INSRR: variants seen among roughly 807,000 people sequenced by gnomAD.
INSRR encodes the protein insulin receptor related receptor, also known as insulin receptor-related protein.
In INSRR, 114 loss-of-function variants were observed where a neutral mutation model predicts 130.0. The observed-to-expected ratio is 0.88, with a 90% confidence interval of 0.75 to 1.02. INSRR has a LOEUF of 1.02. Ranked by LOEUF, INSRR falls within the 50% of genes least tolerant of loss-of-function variation. The pLI, the probability that INSRR is intolerant of heterozygous loss-of-function variation, is 0.00. For missense variants in INSRR, 1,657 were observed against 1,735.2 expected (o/e 0.95, Z 0.80); for synonymous variants, 674 against 705.2 (o/e 0.96, Z 0.70).
Position 156,845,691 on chromosome 1 carries a change from G to A in INSRR, c.2102C>T (p.Pro701Leu), listed in dbSNP as rs1654972734. The A allele has an allele frequency of 1.2e-6, 2 of 1,611,920 alleles. No individual in the cohort carries two copies. Among genetic ancestry groups the A allele is most frequent in the Non-Finnish European group, 1.7e-6 (2 of 1,179,274 alleles). The change falls in exon 10 of 22, where the codon CCG becomes CTG. Residue 701 changes from proline to leucine, a missense_variant. Transcript: ENST00000368195. ...GAACGAGGCCTCTTGCGCCTCCAGC[G>A]GGGGCAGAACCTGACCAGGAGGTGG... ...QHPPPGQVLPPLEAQEASFQK... is the reference protein window; with the variant it reads ...QHPPPGQVLPLLEAQEASFQK...
rs1423986687 is a variant in INSRR, at chr1:156,853,860, CA to C, written c.528del (p.Cys176TrpfsTer72). ...HIVGNKLGEE[C>X]ADVCPGVLGA... ...CCCAGCACACCAGGGCACACGTCAG[CA>C]CACTCCTCGCCCAGCTTGTTGCCCA... On this transcript the variant is annotated frameshift_variant, in exon 2 of 22. Transcript: ENST00000368195. LOFTEE classifies it high-confidence loss of function. 3 of 1,614,064 alleles carry C rather than the reference CA, an allele frequency of 1.9e-6. No homozygotes were observed. In the South Asian group the frequency reaches 3.3e-5, roughly 18 times the overall value.
At chr1:156,852,543 G>A (rs923583455) in intron 2 of INSRR, among the ~76,000 whole-genome samples, 13 of 152,230 alleles carry the variant, frequency 8.5e-5, no homozygotes, top group African/African-American at 1.7e-4. Context: ...CAGGGTGAGC[G>A]GGCCAGCCTC....
rs763193926 is a variant in INSRR, at chr1:156,843,436, C to T, written c.2887G>A (p.Ala963Thr). 2.4e-5 allele frequency: 39 copies of T among 1,614,040 alleles called. No individual in the cohort carries two copies. Among genetic ancestry groups the T allele is most frequent in the East Asian group, 1.6e-4 (7 of 44,900 alleles). Residue 963 changes from alanine (A) to threonine (T), a missense_variant, in exon 16 of 22, where the codon GCC becomes ACC. Physicochemically the swap from Ala to Thr is moderately conservative, Grantham distance 58. Transcript: ENST00000368195. ...CCACTCCCAGACCTACTATCAGAGG[C>T]GCTGAAGTACTCTGGATTCACAGAA... ...YASVNPEYFS[A>T]SDMYVPDEWE...
intron 1 of INSRR, among the ~76,000 whole-genome samples, chr1:156,857,569 A>AG (rs1655454405): frequency 6.6e-6 from 1 of 152,128 alleles, no homozygotes; most frequent in Non-Finnish European, 1.5e-5. Context: ...GCAGAAGAGG[A>AG]GGGGGTTCGG....
chr1:156,841,881 CT>C lies in INSRR; in HGVS notation c.3398-88del, dbSNP rs1319843585. 5 of 1,607,020 alleles carry C rather than the reference CT, an allele frequency of 3.1e-6. No homozygotes were observed. The East Asian group carries it at 6.7e-5, about 22-fold the overall frequency. ...CCCCTGGGATACCTCTCCCAATCTT[CT>C]CATCCTCCAGAGTCACCAAGAACCC... On this transcript the variant is annotated intron_variant, in intron 19 of 21. Coordinates refer to ENST00000368195, the MANE Select transcript of INSRR (RefSeq NM_014215.3).
rs773925911 is a variant in INSRR at position 156,846,697 on chromosome 1, G to T, written c.1632C>A (p.Asn544Lys). The change falls in exon 8 of 22, where the codon AAC becomes AAA. Residue 544 changes from asparagine to lysine, a missense_variant. Coordinates refer to ENST00000368195, the MANE Select transcript of INSRR (RefSeq NM_014215.3). ...TTAGGGGCAGCTCCACATCCAGCAGGTTCCAGCTCTGGGTTCCACAAGCAT... is the reference window on the plus strand; with the variant it reads ...TTAGGGGCAGCTCCACATCCAGCAGTTTCCAGCTCTGGGTTCCACAAGCAT... ...GPDACGTQSW[N>K]LLDVELPLSR... 1 of 1,614,154 alleles carries T rather than the reference G, an allele frequency of 6.2e-7. No individual in the cohort carries two copies. The highest frequency in any genetic ancestry group is 1.7e-5 in the Admixed American group (1 of 60,024).
chr1:156,854,092 G>C lies in INSRR; in HGVS notation c.297C>G (p.Pro99=). 6.2e-7 allele frequency: 1 copy of C among 1,614,100 alleles called. No individual in the cohort carries two copies. Among genetic ancestry groups the C allele is most frequent in the Non-Finnish European group, 8.5e-7 (1 of 1,180,042 alleles). Residue 99 remains proline (P), a synonymous_variant, in exon 2 of 22, where the codon CCC becomes CCG. Coordinates refer to ENST00000368195, the MANE Select transcript of INSRR (RefSeq NM_014215.3). This position sits in a 1 kb window ranked among gnomAD's most constrained non-coding sequence, Gnocchi z 4.2. ...GCGTCCCGCGGATGACTGCTAGGTTGGGGAAGAGGTCGCGCAGGCTCTCCA... is the reference window on the plus strand; with the variant it reads ...GCGTCCCGCGGATGACTGCTAGGTTCGGGAAGAGGTCGCGCAGGCTCTCCA... ...YGLESLRDLF[P]NLAVIRGTRL... is the part of the protein sequence containing the mutation.
rs1654838953 is a variant in INSRR, at chr1:156,842,512, G to A, written c.3127-4C>T. The A allele has an allele frequency of 2.5e-6, 4 of 1,612,386 alleles. No homozygotes were observed. Among genetic ancestry groups the A allele is most frequent in the Non-Finnish European group, 3.4e-6 (4 of 1,178,628 alleles). On this transcript the variant is annotated splice_polypyrimidine_tract_variant and splice_region_variant and intron_variant, in intron 17 of 21. Transcript: ENST00000368195. ...ATACCACACCCAGGAGACGCACCTG[G>A]GACAGACAAAGGGCCTAGCAGACCC...
At position 156,853,831 on chromosome 1, in the gene INSRR, A is replaced by C. The variant is rs747534614; in HGVS notation, c.558T>G (p.Ala186=). The C allele has an allele frequency of 4.3e-6, 7 of 1,613,812 alleles. No homozygotes were observed. In the South Asian group the frequency reaches 7.7e-5, roughly 18 times the overall value. Residue 186 remains alanine (A), a synonymous_variant, in exon 2 of 22, where the codon GCT becomes GCG. Transcript: ENST00000368195. ...TGGTCTTGGCACAGGGCTCACCAGC[A>C]GCACCCAGCACACCAGGGCACACGT... ...CADVCPGVLG[A]AGEPCAKTTF...
At chr1:156,843,513 G>T (rs769954015) in intron 15 of INSRR, 34 bp from the exon 16 acceptor site, 1 of 1,607,328 alleles carries the variant, frequency 6.2e-7, no homozygotes, top group South Asian at 1.1e-5. Flanking sequence ...AGGCTGGAAG[G>T]GTTCTCAGGA....
In INSRR at chr1:156,844,164, C is replaced by T. The variant is rs1654899942; in HGVS notation, c.2843+11G>A. 6.2e-7 allele frequency: 1 copy of T among 1,603,298 alleles called. No homozygotes were observed. The highest frequency in any genetic ancestry group is 8.5e-7 in the Non-Finnish European group (1 of 1,171,132). The stretch of plus-strand genomic sequence containing the variant: ...GAAAAGGGGGTGGGGACCGGTGGGA[C>T]TTATCATCACCTCTTCTTGCCGTAG... On this transcript the variant is annotated intron_variant, in intron 15 of 21. Transcript: ENST00000368195.
At position 156,846,632 on chromosome 1, in the gene INSRR, T is replaced by C; in HGVS notation, c.1697A>G (p.Lys566Arg). 6.2e-7 allele frequency: 1 copy of C among 1,613,964 alleles called. No individual in the cohort carries two copies. Among genetic ancestry groups the C allele is most frequent in the Non-Finnish European group, 8.5e-7 (1 of 1,179,976 alleles). The change falls in exon 8 of 22, where the codon AAG becomes AGG. Residue 566 changes from lysine (K) to arginine (R), a missense_variant. Physicochemically the swap from Lys to Arg is conservative, Grantham distance 26 (BLOSUM62 2). Coordinates refer to ENST00000368195, the MANE Select transcript of INSRR (RefSeq NM_014215.3). The part of the protein sequence containing the change: ...QEPGVTLASL[K>R]PWTQYAVFVR... ...AAACACTGCGTACTGTGTCCAAGGC[T>C]TGAGGGAGGCTAGGGTCACCCCTGG...
chr1:156,841,914 G>A, intron 19 of INSRR, 120 bp from the exon 20 acceptor site: 2 of 1,575,302 alleles, frequency 1.3e-6, no homozygotes, highest in Non-Finnish European at 1.7e-6. Context: ...ACCCTGGAAA[G>A]TAGGGGCTCA....
chr1:156,845,583 C>A (rs766036955), intron 10 of INSRR, 36 bp downstream of exon 10: 5 of 1,530,604 alleles, frequency 3.3e-6, no homozygotes, highest in South Asian at 1.2e-5. Context: ...AGGCCCCACT[C>A]ATCAGACCCT....
At chr1:156,853,624 A>G in intron 2 of INSRR, 128 bp downstream of exon 2, 1 of 971,032 alleles carries the variant, frequency 1.0e-6, no homozygotes, top group Non-Finnish European at 1.5e-6. Flanking sequence ...TACCTGCCTC[A>G]TAGGATGAGT....
intron 19 of INSRR, 125 bp downstream of exon 19, chr1:156,841,987 G>A: frequency 6.4e-7 from 1 of 1,557,056 alleles, no homozygotes; most frequent in Admixed American, 1.8e-5. Flanking sequence ...TAAGATACAG[G>A]GTGGGGGTGA....
Position 156,854,235 on chromosome 1 carries a change from C to G in INSRR, c.154G>C (p.Glu52Gln). 1.2e-6 allele frequency: 2 copies of G among 1,613,898 alleles called. No homozygotes were observed. Among genetic ancestry groups the G allele is most frequent in the Non-Finnish European group, 1.7e-6 (2 of 1,180,010 alleles). The change falls in exon 2 of 22, where the codon GAG (glutamate) becomes CAG (glutamine). Residue 52 changes from glutamate (E) to glutamine (Q), a missense_variant. Glu to Gln is a conservative substitution (Grantham distance 29, BLOSUM62 2). Transcript: ENST00000368195. The surrounding 1 kb of genome is among the most constrained non-coding windows in gnomAD (Gnocchi z 4.2). ...ATGAGCAGGATCTGCAGGTGGCCCT[C>G]CACCACGCTGCAGTTCTCCAGCTGA... ...LRQLENCSVVEGHLQILLMFT... is the reference protein window; with the variant it reads ...LRQLENCSVVQGHLQILLMFT...
intron 17 of INSRR, 51 bp downstream of exon 17, chr1:156,842,953 A>G (rs377391336): frequency 1.4e-6 from 2 of 1,407,040 alleles, no homozygotes; most frequent in South Asian, 2.4e-5. Context: ...TTCTTACCAC[A>G]TGACCTTTAC....
chr1:156,856,232 T>C (rs561779208), intron 1 of INSRR, among the ~76,000 whole-genome samples: 15 of 152,310 alleles, frequency 9.8e-5, no homozygotes, highest in African/African-American at 3.6e-4. Context: ...GTATAATTCA[T>C]GTTGTACCCT....
Sources: gnomAD v4.1 joint callset for allele counts (sites outside exome capture counted in the v4.1 genomes callset) on GRCh38, gnomAD v4.1.1 for gene constraint, Gnocchi (gnomAD v3.1) non-coding constraint, MANE v1.5 for transcripts, NCBI Gene and HGNC (gene_info 2026-07-23, HGNC 2026-07-21) for gene names.